The following CUL7 variants were observed in gnomAD, a reference collection of about 807,000 sequenced individuals.
The protein encoded by CUL7 is cullin-7.
Under a neutral mutation model 177.7 loss-of-function variants are expected in CUL7, and 96 were observed. The ratio of observed to expected loss-of-function variants is 0.54; its 90% CI spans 0.46 to 0.64. The LOEUF is 0.64. Among genes scored for constraint, CUL7 ranks in the 30% least tolerant of loss-of-function variants. The pLI is 0.00. For missense variants in CUL7, 1,893 were observed against 2,187.9 expected (o/e 0.87, Z 2.69); for synonymous variants, 824 against 890.2 (o/e 0.93, Z 1.32).
Position 43,047,202 on chromosome 6 carries a change from T to G in CUL7, c.2170-95A>C. 3 of 780,572 alleles carry G rather than the reference T, an allele frequency of 3.8e-6. No individual in the cohort carries two copies. In the Admixed American group the frequency reaches 5.4e-5, roughly 14 times the overall value. The allele number at this position is 780,572 out of a possible 1,614,324, so 48.4% of individuals were successfully genotyped here. The stretch of plus-strand genomic sequence containing the variant: ...GGTACCCACTGTGTACTCTGTGTAC[T>G]GGGTGCTAGGGGTGCTACAGTGAGC... On this transcript the variant is annotated intron_variant, in intron 9 of 25. Coordinates refer to ENST00000265348, the MANE Select transcript of CUL7 (RefSeq NM_014780.5).
intron 19 of CUL7, among the ~76,000 whole-genome samples, 196 bp downstream of exon 19, chr6:43,042,606 G>A (rs879589867): frequency 6.6e-6 from 1 of 152,222 alleles, no homozygotes; most frequent in Middle Eastern, 3.2e-3. Context: ...CTCCCAAAGT[G>A]CTGGGATTAC....
chr6:43,039,469 C>T (rs1431768588), intron 22 of CUL7, among the ~76,000 whole-genome samples: 1 of 152,148 alleles, frequency 6.6e-6, no homozygotes, highest in Non-Finnish European at 1.5e-5. Context: ...CAGACACCTA[C>T]TCATATCTGG....
chr6:43,050,094 C>T lies in CUL7; in HGVS notation c.1438G>A (p.Asp480Asn), dbSNP rs778140907. Residue 480 changes from aspartate (D) to asparagine (N), a missense_variant, in exon 6 of 26, where the codon GAT becomes AAT. Asp to Asn is a conservative substitution (Grantham distance 23). This residue lies in a region of CUL7 where 653 missense variants were observed against 725.2 expected (regional missense o/e 0.90). Transcript: ENST00000265348. This position sits in a 1 kb window ranked among gnomAD's most constrained non-coding sequence, Gnocchi z 4.1. ...LYAVPYVLPE[D>N]EDTEECEHLT... ...TGTTCACACTCCTCAGTGTCCTCAT[C>T]CTCAGGCAGCACATAAGGCACAGCA... is the stretch of plus-strand genomic sequence containing the variant. The T allele has an allele frequency of 4.3e-6, 7 of 1,614,218 alleles. No homozygotes were observed. The highest frequency in any genetic ancestry group is 1.3e-5 in the African/African-American group (1 of 75,048).
chr6:43,041,904 T>C (rs1363522384), intron 19 of CUL7, among the ~76,000 whole-genome samples: 1 of 148,544 alleles, frequency 6.7e-6, no homozygotes, highest in African/African-American at 2.5e-5. Flanking sequence ...CTTGGGAGGT[T>C]GAGGCAGGAG....
Position 43,038,896 on chromosome 6 carries a change from G to C in CUL7, c.4386C>G (p.Thr1462=). 1 of 1,614,168 alleles carries C rather than the reference G, an allele frequency of 6.2e-7. No individual in the cohort carries two copies. Among genetic ancestry groups the C allele is most frequent in the Non-Finnish European group, 8.5e-7 (1 of 1,180,008 alleles). Reference sequence around the variant, plus strand: ...ACATCTGCACGGTGGACACATGCAGGGTCTGGTTCCCAAACTGCAGCTCAG... The same window carrying C: ...ACATCTGCACGGTGGACACATGCAGCGTCTGGTTCCCAAACTGCAGCTCAG... ...GWAELQFGNQ[T]LHVSTVQMWL... Residue 1462 remains threonine, a synonymous_variant, in exon 23 of 26, where the codon ACC becomes ACG. Coordinates refer to ENST00000265348, the MANE Select transcript of CUL7 (RefSeq NM_014780.5).
intron 7 of CUL7, among the ~76,000 whole-genome samples, chr6:43,049,005 C>T (rs1000837103): frequency 6.6e-6 from 1 of 152,042 alleles, no homozygotes; most frequent in Non-Finnish European, 1.5e-5. Flanking sequence ...ATCTCCTGAC[C>T]TCATGATCCA....
chr6:43,039,604 C>T (rs1689671783), intron 22 of CUL7, among the ~76,000 whole-genome samples: 1 of 152,156 alleles, frequency 6.6e-6, no homozygotes, highest in Admixed American at 6.5e-5. Context: ...CCACCCCCAG[C>T]CACCAAGCTC....
chr6:43,053,455 CT>C lies in CUL7; in HGVS notation c.-9+166del, dbSNP rs1258995058. 4.6e-5 allele frequency among the ~76,000 whole-genome samples: 7 copies of C among 151,832 alleles called. No homozygotes were observed. On this transcript the variant is annotated intron_variant, in intron 1 of 25. Transcript: ENST00000265348. This position sits in a 1 kb window ranked among gnomAD's most constrained non-coding sequence, Gnocchi z 4.1. The stretch of plus-strand genomic sequence containing the variant: ...GGGGCTTGGGGACCGAGGTTGGAGA[CT>C]GGAGAAGCCAGGGGCGCGCGGTAAG...
intron 7 of CUL7, among the ~76,000 whole-genome samples, chr6:43,048,932 A>ATT (rs141401425): frequency 6.9e-6 from 1 of 144,284 alleles, no homozygotes; most frequent in Non-Finnish European, 1.5e-5. Flanking sequence ...CGCCCGGCTA[A>ATT]TTTTTTTTTT....
chr6:43,050,356 G>A lies in CUL7; in HGVS notation c.1276C>T (p.His426Tyr). The change falls in exon 5 of 26, where the codon CAC (histidine) becomes TAC (tyrosine). Residue 426 changes from histidine (H) to tyrosine (Y), a missense_variant. This residue lies in a region of CUL7 where 653 missense variants were observed against 725.2 expected (regional missense o/e 0.90). Coordinates refer to ENST00000265348, the MANE Select transcript of CUL7 (RefSeq NM_014780.5). The surrounding 1 kb of genome is among the most constrained non-coding windows in gnomAD (Gnocchi z 4.1). Reference sequence around the variant, plus strand: ...TCAAAGCCCAAGATCTCCAGCATGTGCCAGTGCACCCAATAGGTGCGGCCT... The same window carrying A: ...TCAAAGCCCAAGATCTCCAGCATGTACCAGTGCACCCAATAGGTGCGGCCT... ...STGRTYWVHWHMLEILGFEED... is the reference protein window; with the variant it reads ...STGRTYWVHWYMLEILGFEED... 4 of 1,614,132 alleles carry A rather than the reference G, an allele frequency of 2.5e-6. No individual in the cohort carries two copies. The highest frequency in any genetic ancestry group is 3.4e-6 in the Non-Finnish European group (4 of 1,180,022).
At chr6:43,039,823 T>G (rs543630640) in intron 22 of CUL7, among the ~76,000 whole-genome samples, 1 of 140,430 alleles carries the variant, frequency 7.1e-6, no homozygotes, top group African/African-American at 2.6e-5. Flanking sequence ...CACTGCAACA[T>G]CTGCCTGTGG....
In CUL7 at chr6:43,052,109, G is replaced by A. The variant is rs750321465; in HGVS notation, c.580+100C>T. 4.8e-5 allele frequency: 75 copies of A among 1,557,590 alleles called. No individual in the cohort carries two copies. The highest frequency in any genetic ancestry group is 3.3e-4 in the Middle Eastern group (2 of 6,020). ...AGAGAAGGGCAACAGAATCATTTAC[G>A]TACTGATGAGATCAGAGGCTCCTGC... On this transcript the variant is annotated intron_variant, in intron 2 of 25. Transcript: ENST00000265348. This position sits in a 1 kb window ranked among gnomAD's most constrained non-coding sequence, Gnocchi z 4.5.
rs1179976144 is a variant in CUL7, at chr6:43,048,454, G to A, written c.1941C>T (p.Thr647=). 1.2e-6 allele frequency: 2 copies of A among 1,613,922 alleles called. No homozygotes were observed. Among genetic ancestry groups the A allele is most frequent in the Admixed American group, 3.3e-5 (2 of 60,000 alleles). Residue 647 remains threonine, a synonymous_variant, in exon 8 of 26, where the codon ACC becomes ACT. Coordinates refer to ENST00000265348, the MANE Select transcript of CUL7 (RefSeq NM_014780.5). The stretch of plus-strand genomic sequence containing the variant: ...GGAGTGGCTTGACCTTGTTCTCCTG[G>A]GTCCCCTCTGAGCTGAGGGCTTGCT... ...DLEQALSSEG[T]QENKVKPLLL...
At chr6:43,041,245 A>C (rs1561876150) in intron 19 of CUL7, 170 bp from the exon 20 acceptor site, 9 of 649,158 alleles carry the variant, frequency 1.4e-5, no homozygotes, top group Non-Finnish European at 1.7e-5. Context: ...CAAATTAGCA[A>C]TATTAACAAT....
In CUL7 at chr6:43,053,370, C is replaced by T. The variant is rs992810911; in HGVS notation, c.-9+252G>A. ...GCGCCTCCGACTGGAGCAACTGGAACAAGAGGGCTGGTGAGGGCGCCGCGA... is the reference window on the plus strand; with the variant it reads ...GCGCCTCCGACTGGAGCAACTGGAATAAGAGGGCTGGTGAGGGCGCCGCGA... On this transcript the variant is annotated intron_variant, in intron 1 of 25. Coordinates refer to ENST00000265348, the MANE Select transcript of CUL7 (RefSeq NM_014780.5). This position sits in a 1 kb window ranked among gnomAD's most constrained non-coding sequence, Gnocchi z 4.1. Among the ~76,000 whole-genome samples, 2 of 152,068 alleles carry T rather than the reference C, an allele frequency of 1.3e-5. No individual in the cohort carries two copies. Among genetic ancestry groups the T allele is most frequent in the Non-Finnish European group, 2.9e-5 (2 of 68,016 alleles).
chr6:43,037,925 G>A lies in CUL7; in HGVS notation c.4860C>T (p.Asp1620=), dbSNP rs143109460. Residue 1620 remains aspartate, a synonymous_variant, in exon 26 of 26, where the codon GAC becomes GAT. Transcript: ENST00000265348. The part of the protein sequence containing the change: ...LGKGSACSST[D]VLSCILHLLG... ...GGAGGTGTAGGATGCAGGAGAGGAC[G>A]TCAGTGCTGCTGCATGCAGACCCCT... 46 of 1,609,166 alleles carry A rather than the reference G, an allele frequency of 2.9e-5. No homozygotes were observed. Among genetic ancestry groups the A allele is most frequent in the Non-Finnish European group, 3.5e-5 (41 of 1,176,480 alleles).
Position 43,047,171 on chromosome 6 carries a change from G to A in CUL7, c.2170-64C>T, listed in dbSNP as rs1048547339. On this transcript the variant is annotated intron_variant, in intron 9 of 25. Coordinates refer to ENST00000265348, the MANE Select transcript of CUL7 (RefSeq NM_014780.5). ...GGCGAGGGCCACAAGGGCACCTGCA[G>A]TAGCAGGTACCCACTGTGTACTCTG... The A allele has an allele frequency of 4.1e-5, 37 of 894,034 alleles. No homozygotes were observed. In the African/African-American group the frequency reaches 4.6e-4, roughly 11 times the overall value. 55.4% of individuals were successfully genotyped at this position (894,034 alleles called of 1,614,324 possible).
Position 43,040,457 on chromosome 6 carries a change from G to A in CUL7, c.4024-31C>T. ...GGAGCACAGGGTTCCCAGATGCCAT[G>A]GCCTCCTCCAGTCTGCTCCACGCCC... On this transcript the variant is annotated intron_variant, in intron 21 of 25. Coordinates refer to ENST00000265348, the MANE Select transcript of CUL7 (RefSeq NM_014780.5). This position sits in a 1 kb window ranked among gnomAD's most constrained non-coding sequence, Gnocchi z 4.2. The A allele has an allele frequency of 6.2e-7, 1 of 1,612,124 alleles. No homozygotes were observed. The highest frequency in any genetic ancestry group is 8.5e-7 in the Non-Finnish European group (1 of 1,180,004).
At chr6:43,046,187 T>C (rs769592626) in intron 12 of CUL7, 49 bp downstream of exon 12, 32 of 1,613,682 alleles carry the variant, frequency 2.0e-5, no homozygotes, top group Non-Finnish European at 2.6e-5. Context: ...CACAGGGGCG[T>C]CACAGGAAAG....
Sources: allele counts gnomAD v4.1 joint callset (sites outside exome capture counted in the v4.1 genomes callset), GRCh38; gene constraint gnomAD v4.1.1; regional missense constraint gnomAD v4.1.1; non-coding constraint Gnocchi (gnomAD v3.1); transcripts MANE v1.5; gene names NCBI Gene and HGNC (gene_info 2026-07-23, HGNC 2026-07-21).